Variants in TSPAN9 observed in about 807,000 individuals in gnomAD.
The protein encoded by TSPAN9 is tetraspanin-9.
In TSPAN9, 16 loss-of-function variants were observed where a neutral mutation model predicts 31.0. The ratio of observed to expected loss-of-function variants is 0.52; its 90% CI spans 0.35 to 0.78. TSPAN9 has a LOEUF of 0.78. Among genes scored for constraint, TSPAN9 ranks in the 30% least tolerant of loss-of-function variants. The pLI is 0.01. For missense variants in TSPAN9, 272 were observed against 312.5 expected (o/e 0.87, Z 0.98); for synonymous variants, 145 against 121.6 (o/e 1.19, Z -1.27).
At chr12:3,249,804 A>T (rs474942) in intron 3 of TSPAN9, among the ~76,000 whole-genome samples, 50,754 of 152,002 alleles carry the variant, frequency 0.33, 9,248 homozygotes, top group Middle Eastern at 0.42. Flanking sequence ...TGAATGATGG[A>T]GCCAGGATTT....
At chr12:3,152,294 G>T (rs2098340169) in intron 2 of TSPAN9, among the ~76,000 whole-genome samples, 1 of 152,232 alleles carries the variant, frequency 6.6e-6, no homozygotes, top group African/African-American at 2.4e-5. Context: ...CAGGATCCTG[G>T]CACCCAGCTC....
At chr12:3,097,242 G>T (rs572111721) in intron 2 of TSPAN9, among the ~76,000 whole-genome samples, 2 of 152,124 alleles carry the variant, frequency 1.3e-5, no homozygotes, top group African/African-American at 4.8e-5. Context: ...TCGTCAGCTC[G>T]ACCCAGGGTC....
At chr12:3,225,706 C>T (rs192300963) in intron 3 of TSPAN9, among the ~76,000 whole-genome samples, 10 of 151,852 alleles carry the variant, frequency 6.6e-5, no homozygotes, top group African/African-American at 2.4e-4. Flanking sequence ...AGCCAGGGGC[C>T]GAGTAATTGC....
intron 3 of TSPAN9, among the ~76,000 whole-genome samples, chr12:3,230,774 A>G (rs2153976028): frequency 6.6e-6 from 1 of 152,036 alleles, no homozygotes; most frequent in East Asian, 1.9e-4. Flanking sequence ...TCTCATCCAC[A>G]TGCAGCCCCT....
intron 3 of TSPAN9, among the ~76,000 whole-genome samples, chr12:3,207,405 GTC>G (rs2098375868): frequency 6.6e-6 from 1 of 152,166 alleles, no homozygotes. Flanking sequence ...AGCCAGCTTT[GTC>G]TCTGCTCACA....
At chr12:3,109,268 C>CTGTCTGTGTGTG (rs1555141856) in intron 2 of TSPAN9, among the ~76,000 whole-genome samples, 5 of 119,358 alleles carry the variant, frequency 4.2e-5, no homozygotes, top group East Asian at 2.6e-4. Flanking sequence ...TTCATATAGT[C>CTGTCTGTGTGTG]TGTGTGTGTG....
chr12:3,174,807 C>A lies in TSPAN9; in HGVS notation c.-17-26370C>A, dbSNP rs1345041217. ...CCGTGTTAGCCAGGATGGTCTCGAT[C>A]TCCTGACCTCGTGATCCTCCCGCCT... On this transcript the variant is annotated intron_variant, in intron 2 of 8. Transcript: ENST00000011898. Among the ~76,000 whole-genome samples the A allele has an allele frequency of 2.0e-5, 3 of 151,054 alleles. No homozygotes were observed. In the South Asian group the frequency reaches 6.4e-4, roughly 32 times the overall value.
rs368463835 is a variant in TSPAN9 at position 3,222,309 on chromosome 12, C to G, written c.63+21053C>G. Among the ~76,000 whole-genome samples, 8 of 152,294 alleles carry G rather than the reference C, an allele frequency of 5.3e-5. No homozygotes were observed. In the East Asian group the frequency reaches 5.8e-4, roughly 11 times the overall value. ...CCGTCACAGATGAGGCCTGGTTGGT[C>G]TTGGGTCCATAACTTGTACTTTCAG... On this transcript the variant is annotated intron_variant, in intron 3 of 8. Transcript: ENST00000011898.
chr12:3,152,224 C>T (rs895610038), intron 2 of TSPAN9, among the ~76,000 whole-genome samples: 2 of 152,188 alleles, frequency 1.3e-5, no homozygotes, highest in Non-Finnish European at 2.9e-5. Context: ...TGCCACTTCC[C>T]AGCCCTCCTT....
intron 3 of TSPAN9, among the ~76,000 whole-genome samples, chr12:3,221,827 T>A (rs776669732): frequency 6.6e-6 from 1 of 152,162 alleles, no homozygotes. Context: ...AGTGAATTTT[T>A]AAATTTTTTG....
In TSPAN9 at chr12:3,210,005, G is replaced by T. The variant is rs564485147; in HGVS notation, c.63+8749G>T. 9.5e-5 allele frequency among the ~76,000 whole-genome samples: 14 copies of T among 147,334 alleles called. 1 individual carries two copies. The South Asian group carries it at 2.9e-3, about 30-fold the overall frequency. On this transcript the variant is annotated intron_variant, in intron 3 of 8. Coordinates refer to ENST00000011898, the MANE Select transcript of TSPAN9 (RefSeq NM_006675.5). ...AAAAAAATTAGCCGGGTGTGGTGGC[G>T]GGTGCCTGTAGTCCCAACTACTTGG...
At chr12:3,120,127 T>G (rs936605204) in intron 2 of TSPAN9, among the ~76,000 whole-genome samples, 1 of 152,232 alleles carries the variant, frequency 6.6e-6, no homozygotes, top group African/African-American at 2.4e-5. Flanking sequence ...AAATGAAGGT[T>G]TACTTTTCAG....
chr12:3,127,915 T>TGCCC (rs1238204782), intron 2 of TSPAN9, among the ~76,000 whole-genome samples: 5 of 152,200 alleles, frequency 3.3e-5, no homozygotes, highest in African/African-American at 1.2e-4. Flanking sequence ...CTTGGTGGCA[T>TGCCC]GCCCACCTTG....
chr12:3,137,980 G>C (rs1197349043), intron 2 of TSPAN9, among the ~76,000 whole-genome samples: 2 of 152,178 alleles, frequency 1.3e-5, no homozygotes, highest in African/African-American at 4.8e-5. Flanking sequence ...GTCGTGTGAG[G>C]AGTCGGGTGT....
At chr12:3,268,179 C>CGTGCGTTCCTGCAGCCTGCCCTCT (rs1481404401) in intron 3 of TSPAN9, among the ~76,000 whole-genome samples, 35 of 122,388 alleles carry the variant, frequency 2.9e-4, no homozygotes, top group South Asian at 2.1e-3. Context: ...GCCTACCCTC[C>CGTGCGTTCCTGCAGCCTGCCCTCT]GTGCGTTCCT....
At chr12:3,215,545 ATC>A (rs972875030) in intron 3 of TSPAN9, among the ~76,000 whole-genome samples, 10 of 152,008 alleles carry the variant, frequency 6.6e-5, no homozygotes, top group Admixed American at 5.9e-4. Flanking sequence ...TTTCCATCCC[ATC>A]TCTCAGCCTT....
chr12:3,197,586 C>T (rs995914375), intron 2 of TSPAN9, among the ~76,000 whole-genome samples: 9 of 152,254 alleles, frequency 5.9e-5, no homozygotes, highest in African/African-American at 2.2e-4. Flanking sequence ...GAGCTCCACT[C>T]AGAATGGGAG....
chr12:3,218,872 A>AC (rs570381452), intron 3 of TSPAN9, among the ~76,000 whole-genome samples: 12 of 150,844 alleles, frequency 8.0e-5, no homozygotes, highest in Admixed American at 7.3e-4. Context: ...TTTTTCCTTT[A>AC]CCCCCCGGCA....
Position 3,111,809 on chromosome 12 carries a change from A to C in TSPAN9, c.-18+28090A>C, listed in dbSNP as rs181596265. ...GTATTTTTAGTAGAGACAGGGTTTC[A>C]TCATGTTGAACAGGCTGGTCTCGAA... is the stretch of plus-strand genomic sequence containing the variant. On this transcript the variant is annotated intron_variant, in intron 2 of 8. Coordinates refer to ENST00000011898, the MANE Select transcript of TSPAN9 (RefSeq NM_006675.5). Among the ~76,000 whole-genome samples the C allele has an allele frequency of 3.2e-3, 492 of 152,076 alleles. 4 individuals carry two copies. The South Asian group carries it at 0.039, about 12-fold the overall frequency.
Sources: allele counts gnomAD v4.1 joint callset (sites outside exome capture counted in the v4.1 genomes callset), GRCh38; gene constraint gnomAD v4.1.1; transcripts MANE v1.5; gene names NCBI Gene and HGNC (gene_info 2026-07-23, HGNC 2026-07-21).